LMO7: variants seen among roughly 807,000 people sequenced by gnomAD.
LMO7 encodes the protein LIM domain 7.
A neutral mutation model predicts 206.5 loss-of-function variants in LMO7; 120 were observed. The observed-to-expected ratio is 0.58, with a 90% CI of 0.50 to 0.68. The LOEUF (loss-of-function observed/expected upper bound fraction) is 0.68. LMO7 is among the 30% of genes least tolerant of loss of function. The pLI is 0.00. For synonymous variants in LMO7, 706 were observed against 681.5 expected (o/e 1.04, Z -0.56); for missense variants, 1,959 against 1,957.9 (o/e 1.00, Z -0.01).
chr13:75,627,694 C>T (rs1466046082), intron 2 of LMO7: 1 of 152,026 alleles, frequency 6.6e-6, no homozygotes, highest in East Asian at 1.9e-4. Context: ...CTACGGGAAA[C>T]ACAGACTTTA....
chr13:75,736,032 T>C (rs2045792457), intron 3 of LMO7, among the ~76,000 whole-genome samples: 1 of 152,106 alleles, frequency 6.6e-6, no homozygotes, highest in Non-Finnish European at 1.5e-5. Flanking sequence ...TAGTGGTTTG[T>C]TGTTGTTGGC....
At chr13:75,733,096 C>T (rs909769994) in intron 3 of LMO7, among the ~76,000 whole-genome samples, 21 of 152,344 alleles carry the variant, frequency 1.4e-4, no homozygotes, top group Admixed American at 7.8e-4. Context: ...CTTGAGGAGG[C>T]AGTCTCCCCG....
intron 17 of LMO7, 85 bp from the exon 18 acceptor site, chr13:75,835,148 T>C: frequency 6.4e-7 from 1 of 1,567,098 alleles, no homozygotes; most frequent in Non-Finnish European, 8.6e-7. Flanking sequence ...CATGTGCCAA[T>C]CAGACTGGGG....
intron 3 of LMO7, among the ~76,000 whole-genome samples, chr13:75,741,410 A>G (rs975730498): frequency 1.3e-5 from 2 of 152,214 alleles, no homozygotes; most frequent in African/African-American, 4.8e-5. Context: ...AAATAAGGTC[A>G]GTTTACACTG....
intron 3 of LMO7, among the ~76,000 whole-genome samples, chr13:75,733,679 T>C (rs2045512337): frequency 6.6e-6 from 1 of 152,184 alleles, no homozygotes; most frequent in East Asian, 1.9e-4. Flanking sequence ...ATGAACACGG[T>C]ACTGCAGATG....
intron 1 of LMO7, among the ~76,000 whole-genome samples, chr13:75,709,387 T>G (rs1214099695): frequency 6.6e-6 from 1 of 152,158 alleles, no homozygotes; most frequent in Non-Finnish European, 1.5e-5. Flanking sequence ...ACTTCCACAA[T>G]GGTTGAACTA....
At chr13:75,717,362 CAAAAAAAA>C (rs55749528) in intron 2 of LMO7, among the ~76,000 whole-genome samples, 1 of 90,808 alleles carries the variant, frequency 1.1e-5, no homozygotes, top group Non-Finnish European at 2.2e-5. Context: ...GACTCCGTCT[CAAAAAAAA>C]AAAAAAAAAA....
At chr13:75,639,875 G>A (rs2036349777) in intron 1 of LMO7, among the ~76,000 whole-genome samples, 1 of 152,116 alleles carries the variant, frequency 6.6e-6, no homozygotes, top group South Asian at 2.1e-4. Flanking sequence ...TGTTATCTCT[G>A]GATTGGATTT....
rs531434895 is a variant in LMO7 at position 75,829,676 on chromosome 13, G to A, written c.2950-3375G>A. Among the ~76,000 whole-genome samples the A allele has an allele frequency of 5.5e-5, 8 of 145,868 alleles. No individual in the cohort carries two copies. The South Asian group carries it at 1.6e-3, about 29-fold the overall frequency. ...AAAAATTCGAGGAGTGTAGCTTTTC[G>A]ATTTCGTGTTTAATATTGGCCCTGT... On this transcript the variant is annotated intron_variant, in intron 15 of 30. Coordinates refer to ENST00000377534, the MANE Select transcript of LMO7 (RefSeq NM_001306080.2).
intron 1 of LMO7, among the ~76,000 whole-genome samples, chr13:75,646,736 A>G (rs2037054970): frequency 6.6e-6 from 1 of 152,066 alleles, no homozygotes; most frequent in Non-Finnish European, 1.5e-5. Context: ...GGCATGTGCC[A>G]CCACACCCGG....
chr13:75,639,143 C>T (rs1441925861), intron 1 of LMO7, among the ~76,000 whole-genome samples: 1 of 152,090 alleles, frequency 6.6e-6, no homozygotes, highest in African/African-American at 2.4e-5. Flanking sequence ...CTTGTCATTT[C>T]CATTTTCTAT....
Position 75,805,705 on chromosome 13 carries a change from A to C in LMO7, c.1141A>C (p.Lys381Gln). Reference protein sequence around the residue: ...KCWTPEDVNWKRIKRETYKPW... With the variant: ...KCWTPEDVNWQRIKRETYKPW... ...TTGGACCCCAGAAGATGTGAACTGG[A>C]AAAGAATAAAAAGGGAAACTTATAA... The change falls in exon 9 of 31, where the codon AAA (lysine) becomes CAA (glutamine). Residue 381 changes from lysine to glutamine, a missense_variant. Transcript: ENST00000377534. 1 of 1,614,034 alleles carries C rather than the reference A, an allele frequency of 6.2e-7. No homozygotes were observed. The highest frequency in any genetic ancestry group is 8.5e-7 in the Non-Finnish European group (1 of 1,179,882).
upstream of LMO7, chr13:75,636,237 C>A: frequency 1.1e-6 from 1 of 925,200 alleles, no homozygotes; most frequent in Non-Finnish European, 1.3e-6. Context: ...CAGACGGAAG[C>A]GGCGACTCGG....
chr13:75,736,457 GA>G (rs2045829130), intron 3 of LMO7, among the ~76,000 whole-genome samples: 1 of 152,216 alleles, frequency 6.6e-6, no homozygotes, highest in Admixed American at 6.5e-5. Flanking sequence ...GGACTAAAAG[GA>G]TAATATACAG....
chr13:75,683,835 T>G (rs1264159116), intron 1 of LMO7, among the ~76,000 whole-genome samples: 1 of 152,098 alleles, frequency 6.6e-6, no homozygotes, highest in Admixed American at 6.5e-5. Flanking sequence ...GATTAAAAAT[T>G]TTTCTGATTG....
intron 4 of LMO7, among the ~76,000 whole-genome samples, chr13:75,776,664 G>A (rs867448730): frequency 1.3e-5 from 2 of 152,118 alleles, no homozygotes; most frequent in South Asian, 4.1e-4. Flanking sequence ...CAACAGCTCT[G>A]GAGCACGTTA....
chr13:75,834,318 G>C lies in LMO7; in HGVS notation c.3157G>C (p.Glu1053Gln). 1 of 1,611,546 alleles carries C rather than the reference G, an allele frequency of 6.2e-7. No homozygotes were observed. Among genetic ancestry groups the C allele is most frequent in the Non-Finnish European group, 8.5e-7 (1 of 1,178,694 alleles). ...TTCATATAACGATTCAAAAGAGTGG[G>C]AGGAAGCCATGGCTAAGGCTCAAGA... ...KFSYNDSKEWEEAMAKAQETG... is the reference protein window; with the variant it reads ...KFSYNDSKEWQEAMAKAQETG... The change falls in exon 17 of 31, where the codon GAG (glutamate) becomes CAG (glutamine). Residue 1053 changes from glutamate to glutamine, a missense_variant. Glu to Gln is a conservative substitution (Grantham distance 29). Coordinates refer to ENST00000377534, the MANE Select transcript of LMO7 (RefSeq NM_001306080.2).
Position 75,805,674 on chromosome 13 carries a change from C to A in LMO7, c.1110C>A (p.Pro370=). ...GGAATGCTTTTGATCAGTTTCTTCC[C>A]AAATGTTGGACCCCAGAAGATGTGA... ...NPGNAFDQFL[P]KCWTPEDVNW... is the part of the protein sequence containing the mutation. The change falls in exon 9 of 31, where the codon CCC becomes CCA. Residue 370 remains proline (P), a synonymous_variant. Coordinates refer to ENST00000377534, the MANE Select transcript of LMO7 (RefSeq NM_001306080.2). 1 of 1,613,940 alleles carries A rather than the reference C, an allele frequency of 6.2e-7. No homozygotes were observed. The highest frequency in any genetic ancestry group is 8.5e-7 in the Non-Finnish European group (1 of 1,179,840).
At chr13:75,810,455 C>T (rs1019996865) in intron 11 of LMO7, among the ~76,000 whole-genome samples, 1 of 152,280 alleles carries the variant, frequency 6.6e-6, no homozygotes, top group East Asian at 1.9e-4. Flanking sequence ...CAACAAATTG[C>T]AAGTACTTGT....
Sources: allele counts gnomAD v4.1 joint callset (sites outside exome capture counted in the v4.1 genomes callset), GRCh38; gene constraint gnomAD v4.1.1; transcripts MANE v1.5; gene names NCBI Gene and HGNC (gene_info 2026-07-23, HGNC 2026-07-21).